The following TRAPPC8 variants were observed in gnomAD, a reference collection of about 807,000 sequenced individuals.
The protein encoded by TRAPPC8 is trafficking protein particle complex subunit 8.
Under a neutral mutation model 174.3 loss-of-function variants are expected in TRAPPC8, and 54 were observed. The ratio of observed to expected loss-of-function variants is 0.31; its 90% CI spans 0.25 to 0.39. The LOEUF (loss-of-function observed/expected upper bound fraction) is 0.39. Among genes scored for constraint, TRAPPC8 ranks in the 10% least tolerant of loss-of-function variants. The pLI, the probability that TRAPPC8 is intolerant of heterozygous loss-of-function variation, is 1.00. For synonymous variants in TRAPPC8, 630 were observed against 579.9 expected, an observed-to-expected ratio of 1.09 and a Z score of -1.24; for missense variants, 1,531 against 1,699.1, an observed-to-expected ratio of 0.90 and a Z score of 1.74.
chr18:31,895,527 G>A (rs1051103237), intron 11 of TRAPPC8, among the ~76,000 whole-genome samples: 4 of 152,004 alleles, frequency 2.6e-5, no homozygotes, highest in African/African-American at 9.7e-5. Context: ...ACAAAGAGTT[G>A]GAAAGAAGAG....
At chr18:31,914,748 A>AC (rs1200205119) in intron 4 of TRAPPC8, among the ~76,000 whole-genome samples, 1 of 152,242 alleles carries the variant, frequency 6.6e-6, no homozygotes, top group Non-Finnish European at 1.5e-5. Flanking sequence ...CACACCTTGC[A>AC]CCAAAAGCCA....
At chr18:31,933,200 C>A (rs1282375282) in intron 1 of TRAPPC8, among the ~76,000 whole-genome samples, 1 of 148,204 alleles carries the variant, frequency 6.7e-6, no homozygotes, top group African/African-American at 2.5e-5. Flanking sequence ...ACTTGGGAGG[C>A]TGAAGCAGGA....
intron 2 of TRAPPC8, among the ~76,000 whole-genome samples, chr18:31,922,036 T>C (rs2037412703): frequency 6.6e-6 from 1 of 151,986 alleles, no homozygotes; most frequent in Non-Finnish European, 1.5e-5. Context: ...TTAAAGTTCA[T>C]CATAAAAGTA....
chr18:31,918,376 C>T (rs2037237827), intron 2 of TRAPPC8, among the ~76,000 whole-genome samples: 1 of 152,154 alleles, frequency 6.6e-6, no homozygotes, highest in Non-Finnish European at 1.5e-5. Context: ...ACTAGTCACA[C>T]TGCCATAAGT....
intron 4 of TRAPPC8, among the ~76,000 whole-genome samples, chr18:31,914,602 A>C (rs1339136991): frequency 6.6e-6 from 1 of 152,260 alleles, no homozygotes; most frequent in Non-Finnish European, 1.5e-5. Context: ...AGAGTAATTA[A>C]CTGGATCTGC....
At chr18:31,927,366 G>C (rs1346115375) in intron 2 of TRAPPC8, among the ~76,000 whole-genome samples, 2 of 151,918 alleles carry the variant, frequency 1.3e-5, no homozygotes, top group African/African-American at 2.4e-5. Flanking sequence ...AGGTTCAAGC[G>C]ATTCTCCTGC....
chr18:31,938,845 G>A (rs1284187999), intron 1 of TRAPPC8, among the ~76,000 whole-genome samples: 2 of 152,156 alleles, frequency 1.3e-5, no homozygotes, highest in African/African-American at 4.8e-5. Flanking sequence ...ACTTTGGGAG[G>A]CCAAGGCGGG....
chr18:31,839,556 G>GCCACATCCATTTGTCAAC, intron 26 of TRAPPC8, 99 bp from the exon 27 acceptor site: 1 of 1,136,240 alleles, frequency 8.8e-7, no homozygotes, highest in Non-Finnish European at 1.2e-6. Flanking sequence ...AATCAGCAGA[G>GCCACATCCATTTGTCAAC]ATAATGTAAT....
In TRAPPC8 at chr18:31,839,465, A is replaced by C; in HGVS notation, c.3838-8T>G. ...TTCCATTTCTGGTGGCTCCTGAGAA[A>C]AGAAAGAAAAAACATATGACAATAA... On this transcript the variant is annotated splice_polypyrimidine_tract_variant and splice_region_variant and intron_variant, in intron 26 of 28. Transcript: ENST00000283351. The C allele has an allele frequency of 6.3e-7, 1 of 1,580,886 alleles. No homozygotes were observed. The highest frequency in any genetic ancestry group is 8.5e-7 in the Non-Finnish European group (1 of 1,170,610).
chr18:31,890,918 A>G, intron 11 of TRAPPC8, 52 bp from the exon 12 acceptor site: 1 of 1,528,848 alleles, frequency 6.5e-7, no homozygotes, highest in Non-Finnish European at 8.8e-7. Context: ...TTAAAAGTAA[A>G]TAGATAACTA....
intron 2 of TRAPPC8, among the ~76,000 whole-genome samples, chr18:31,918,686 G>A (rs2037249195): frequency 1.3e-5 from 2 of 152,166 alleles, no homozygotes; most frequent in African/African-American, 4.8e-5. Flanking sequence ...CCTCTTAAAT[G>A]AAATTTCGAA....
At chr18:31,865,604 T>C (rs2034546805) in intron 18 of TRAPPC8, among the ~76,000 whole-genome samples, 2 of 151,846 alleles carry the variant, frequency 1.3e-5, no homozygotes, top group Admixed American at 1.3e-4. Context: ...TATTATACAA[T>C]AACATATAAA....
intron 24 of TRAPPC8, among the ~76,000 whole-genome samples, chr18:31,850,144 G>A (rs1011047585): frequency 2.0e-5 from 3 of 151,978 alleles, no homozygotes; most frequent in Non-Finnish European, 4.4e-5. Flanking sequence ...GGTTTTGCCA[G>A]TTTTGCCATG....
At chr18:31,855,045 CA>C (rs762350519) in intron 21 of TRAPPC8, among the ~76,000 whole-genome samples, 3 of 140,716 alleles carry the variant, frequency 2.1e-5, no homozygotes, top group Non-Finnish European at 4.6e-5. Flanking sequence ...ACTAAAAATA[CA>C]AAAAAATGAG....
chr18:31,859,016 C>T (rs1011966638), intron 19 of TRAPPC8, among the ~76,000 whole-genome samples: 1 of 152,052 alleles, frequency 6.6e-6, no homozygotes. Flanking sequence ...CTGCTCGAGC[C>T]CAGGAAGCAG....
rs372947876 is a variant in TRAPPC8 at position 31,932,155 on chromosome 18, C to T, written c.158-632G>A. Reference sequence around the variant, plus strand: ...ACTTAAAAAAAAAACTCTGGCCAGGCGCGGTGGCTCACGCCTATAATCACA... The same window carrying T: ...ACTTAAAAAAAAAACTCTGGCCAGGTGCGGTGGCTCACGCCTATAATCACA... On this transcript the variant is annotated intron_variant, in intron 1 of 28. Transcript: ENST00000283351. Among the ~76,000 whole-genome samples, 9 of 152,136 alleles carry T rather than the reference C, an allele frequency of 5.9e-5. No homozygotes were observed. The East Asian group carries it at 9.6e-4, about 16-fold the overall frequency.
chr18:31,910,325 A>C (rs1420694719), intron 5 of TRAPPC8, among the ~76,000 whole-genome samples: 1 of 152,212 alleles, frequency 6.6e-6, no homozygotes. Context: ...CTACAAGACC[A>C]GTAAATATGA....
Position 31,921,745 on chromosome 18 carries a change from C to T in TRAPPC8, c.353-4078G>A, listed in dbSNP as rs190691924. Among the ~76,000 whole-genome samples the T allele has an allele frequency of 9.8e-4, 149 of 152,092 alleles. 1 individual carries two copies. Among genetic ancestry groups the T allele is most frequent in the East Asian group, 7.7e-4 (4 of 5,180 alleles). Reference sequence around the variant, plus strand: ...CTTTCTCATCTCACCTTCTGGAAAACGGAATGTGATTACATATTTCATTTA... The same window carrying T: ...CTTTCTCATCTCACCTTCTGGAAAATGGAATGTGATTACATATTTCATTTA... On this transcript the variant is annotated intron_variant, in intron 2 of 28. Coordinates refer to ENST00000283351, the MANE Select transcript of TRAPPC8 (RefSeq NM_014939.5).
At position 31,939,082 on chromosome 18, in the gene TRAPPC8, C is replaced by CAAAAA. The variant is rs397963630; in HGVS notation, c.157+3521_157+3525dup. Among the ~76,000 whole-genome samples, 150 of 68,006 alleles carry CAAAAA rather than the reference C, an allele frequency of 2.2e-3. 4 individuals carry two copies. Among genetic ancestry groups the CAAAAA allele is most frequent in the East Asian group, 8.0e-3 (14 of 1,760 alleles). The allele number at this position is 68,006 out of a possible 152,430, so 44.6% of individuals were successfully genotyped here. A position where few individuals can be genotyped will look rare whatever the true frequency, so the allele number is the denominator to read the frequency against. On this transcript the variant is annotated intron_variant, in intron 1 of 28. Transcript: ENST00000283351. ...CTGGTGACAGAGCGAGACTCCGTCT[C>CAAAAA]AAAAAAAAAAAAAAAAAAAAAAGCT...
Sources: gnomAD v4.1 joint callset for allele counts (sites outside exome capture counted in the v4.1 genomes callset) on GRCh38, gnomAD v4.1.1 for gene constraint, MANE v1.5 for transcripts, NCBI Gene and HGNC (gene_info 2026-07-23, HGNC 2026-07-21) for gene names.